PNPLA7: variants seen among roughly 807,000 people sequenced by gnomAD.
PNPLA7 encodes the protein patatin-like phospholipase domain-containing protein 7.
PNPLA7 carries 153 observed loss-of-function variants against 161.7 expected under a neutral mutation model. That is an observed-to-expected ratio of 0.95 (90% CI 0.83 to 1.08). The LOEUF (loss-of-function observed/expected upper bound fraction) is 1.08, where lower values mean the gene tolerates loss of function less well. PNPLA7 is among the 50% of genes least tolerant of loss of function. The probability of loss-of-function intolerance (pLI) is 0.00; values close to 1 mark genes in which losing one functional copy is unlikely to be tolerated. For synonymous variants in PNPLA7, 809 were observed against 782.1 expected (o/e 1.03, Z -0.57); for missense variants, 1,739 against 1,856.6 (o/e 0.94, Z 1.16).
At position 137,467,980 on chromosome 9, in the gene PNPLA7, G is replaced by T. The variant is rs953742992; in HGVS notation, c.2883-507C>A. 6.6e-6 allele frequency among the ~76,000 whole-genome samples: 1 copy of T among 152,064 alleles called. No individual in the cohort carries two copies. Among genetic ancestry groups the T allele is most frequent in the African/African-American group, 2.4e-5 (1 of 41,396 alleles). On this transcript the variant is annotated intron_variant, in intron 25 of 34. Transcript: ENST00000406427. The surrounding 1 kb of genome is among the most constrained non-coding windows in gnomAD (Gnocchi z 5.1). ...TGAGGGACTGTGAGGCTGGGATGGGGAGGAAGGTGTCCTGAGAGTTGACCG... is the reference window on the plus strand; with the variant it reads ...TGAGGGACTGTGAGGCTGGGATGGGTAGGAAGGTGTCCTGAGAGTTGACCG...
At position 137,542,636 on chromosome 9, in the gene PNPLA7, A is replaced by C. The variant is rs771010199; in HGVS notation, c.666+6T>G. On this transcript the variant is annotated splice_donor_region_variant and intron_variant, in intron 7 of 34. Coordinates refer to ENST00000406427, the MANE Select transcript of PNPLA7 (RefSeq NM_001098537.3). ...CCTGACCCCGCCCCGCCGCCCTGCGACTCACAGTGTCCTGGATGCAGACCT... is the reference window on the plus strand; with the variant it reads ...CCTGACCCCGCCCCGCCGCCCTGCGCCTCACAGTGTCCTGGATGCAGACCT... 1.1e-5 allele frequency: 17 copies of C among 1,583,010 alleles called. No homozygotes were observed. The highest frequency in any genetic ancestry group is 1.5e-5 in the Non-Finnish European group (17 of 1,158,868).
rs1832060855 is a variant in PNPLA7 at position 137,478,764 on chromosome 9, C to T, written c.2763+292G>A. Reference sequence around the variant, plus strand: ...AGCCCCCCTGACGTCAGGCCCATCCCCAGGGTTTGCTGAGCCCCCTGATTC... The same window carrying T: ...AGCCCCCCTGACGTCAGGCCCATCCTCAGGGTTTGCTGAGCCCCCTGATTC... On this transcript the variant is annotated intron_variant, in intron 24 of 34. Transcript: ENST00000406427. 1.9e-5 allele frequency: 7 copies of T among 359,748 alleles called. 1 individual carries two copies. The South Asian group carries it at 2.9e-4, about 15-fold the overall frequency. 22.3% of individuals were successfully genotyped at this position (359,748 alleles called of 1,614,324 possible). A position where few individuals can be genotyped will look rare whatever the true frequency, so the allele number is the denominator to read the frequency against.
chr9:137,495,937 G>A (rs1382179451), intron 18 of PNPLA7, among the ~76,000 whole-genome samples: 1 of 152,100 alleles, frequency 6.6e-6, no homozygotes, highest in Non-Finnish European at 1.5e-5. Flanking sequence ...GACTCTGATG[G>A]GAAGACCTTC....
At chr9:137,501,545 G>T in intron 15 of PNPLA7, 105 bp downstream of exon 15, 1 of 1,118,166 alleles carries the variant, frequency 8.9e-7, no homozygotes, top group Non-Finnish European at 1.3e-6. Context: ...GTGCTGGGAG[G>T]TCCCCAGTCA....
At chr9:137,498,810 C>T (rs1333935271) in intron 16 of PNPLA7, among the ~76,000 whole-genome samples, 2 of 152,042 alleles carry the variant, frequency 1.3e-5, no homozygotes, top group Non-Finnish European at 2.9e-5. Context: ...TGGGCAGTGG[C>T]GAGGTGGGAC....
chr9:137,547,890 C>T lies in PNPLA7; in HGVS notation c.31-231G>A, dbSNP rs28612513. On this transcript the variant is annotated intron_variant, in intron 1 of 34. Coordinates refer to ENST00000406427, the MANE Select transcript of PNPLA7 (RefSeq NM_001098537.3). The surrounding 1 kb of genome is among the most constrained non-coding windows in gnomAD (Gnocchi z 4.6). ...CTGGGATACAGTGGGGCAGGGCCAGCGGCTGCCCCAGGCATCACTAACACA... is the reference window on the plus strand; with the variant it reads ...CTGGGATACAGTGGGGCAGGGCCAGTGGCTGCCCCAGGCATCACTAACACA... Among the ~76,000 whole-genome samples the T allele has an allele frequency of 1.2e-3, 186 of 152,292 alleles. 1 individual carries two copies. Among genetic ancestry groups the T allele is most frequent in the African/African-American group, 4.4e-3 (182 of 41,560 alleles).
At position 137,484,699 on chromosome 9, in the gene PNPLA7, C is replaced by A; in HGVS notation, c.2235G>T (p.Trp745Cys). 1 of 1,611,994 alleles carries A rather than the reference C, an allele frequency of 6.2e-7. No individual in the cohort carries two copies. The highest frequency in any genetic ancestry group is 8.5e-7 in the Non-Finnish European group (1 of 1,179,152). ...GGTTGACAGCCGGGTTCCCCAAGTC[C>A]CACTTGCTGCCCTCCGTGGGGAGCC... ...QLGLPTEGSKWDLGNPAVNLS... is the reference protein window; with the variant it reads ...QLGLPTEGSKCDLGNPAVNLS... Residue 745 changes from tryptophan to cysteine, a missense_variant, in exon 21 of 35, where the codon TGG becomes TGT. By Grantham distance (215) the Trp-to-Cys change is radical. This residue lies in a region of PNPLA7 where 192 missense variants were observed against 249.5 expected (regional missense o/e 0.77). Transcript: ENST00000406427.
chr9:137,463,068 G>T, intron 29 of PNPLA7: 1 of 636,762 alleles, frequency 1.6e-6, no homozygotes, highest in Non-Finnish European at 2.7e-6. Flanking sequence ...GGCCTGGCCT[G>T]GCCCCCAGCA....
Position 137,462,180 on chromosome 9 carries a change from C to A in PNPLA7, c.3644G>T (p.Cys1215Phe), listed in dbSNP as rs763901755. The A allele has an allele frequency of 6.4e-7, 1 of 1,563,452 alleles. No homozygotes were observed. The highest frequency in any genetic ancestry group is 8.7e-7 in the Non-Finnish European group (1 of 1,150,918). The stretch of plus-strand genomic sequence containing the variant: ...CCGCCGCGGGTGGCCGGCACTCACG[C>A]AGATCTCGTTGAACTTGCCGAAGTC... ...TLDFGKFNEI[C>F]EVGYQHGRTV... The change falls in exon 31 of 35, where the codon TGC becomes TTC. Residue 1215 changes from cysteine to phenylalanine, a missense_variant and splice_region_variant. This residue lies in a region of PNPLA7 where 703 missense variants were observed against 694.6 expected (regional missense o/e 1.01). Coordinates refer to ENST00000406427, the MANE Select transcript of PNPLA7 (RefSeq NM_001098537.3).
Position 137,499,387 on chromosome 9 carries a change from G to A in PNPLA7, c.1758-1142C>T, listed in dbSNP as rs1421203263. ...TAGACACACAGCACGGGGGGACTGA[G>A]CTGCATTAAGGCTGAGGGCCCTGAG... is the stretch of plus-strand genomic sequence containing the variant. On this transcript the variant is annotated intron_variant, in intron 16 of 34. Transcript: ENST00000406427. This position sits in a 1 kb window ranked among gnomAD's most constrained non-coding sequence, Gnocchi z 5.5. Among the ~76,000 whole-genome samples, 3 of 152,274 alleles carry A rather than the reference G, an allele frequency of 2.0e-5. No individual in the cohort carries two copies. The East Asian group carries it at 5.8e-4, about 29-fold the overall frequency.
chr9:137,548,992 C>T (rs1588730790), intron 1 of PNPLA7, among the ~76,000 whole-genome samples: 1 of 152,326 alleles, frequency 6.6e-6, no homozygotes, highest in East Asian at 1.9e-4. Context: ...CGAAGTGAGT[C>T]CCTCAGCCCA....
rs1380172206 is a variant in PNPLA7, at chr9:137,467,804, A to G, written c.2883-331T>C. Among the ~76,000 whole-genome samples the G allele has an allele frequency of 6.6e-6, 1 of 152,198 alleles. No homozygotes were observed. The highest frequency in any genetic ancestry group is 2.4e-5 in the African/African-American group (1 of 41,440). ...TCCCAGCTACTCGGGAGGCTGAGGC[A>G]GGAGAATCACCTGAACCCAGGAGAC... On this transcript the variant is annotated intron_variant, in intron 25 of 34. Coordinates refer to ENST00000406427, the MANE Select transcript of PNPLA7 (RefSeq NM_001098537.3). This position sits in a 1 kb window ranked among gnomAD's most constrained non-coding sequence, Gnocchi z 5.1.
At chr9:137,492,906 C>T in intron 20 of PNPLA7, 107 bp downstream of exon 20, 6 of 746,694 alleles carry the variant, frequency 8.0e-6, no homozygotes, top group Non-Finnish European at 9.4e-6. Flanking sequence ...GGCTCCAGGA[C>T]AGGGCGGGGC....
intron 25 of PNPLA7, among the ~76,000 whole-genome samples, chr9:137,474,546 C>T (rs937825754): frequency 3.9e-5 from 6 of 152,090 alleles, no homozygotes; most frequent in Non-Finnish European, 7.3e-5. Flanking sequence ...ACCGGAGTGC[C>T]GTGGGGAAAC....
intron 26 of PNPLA7, among the ~76,000 whole-genome samples, chr9:137,465,967 C>G (rs1260120801): frequency 2.0e-5 from 3 of 152,194 alleles, no homozygotes; most frequent in African/African-American, 7.2e-5. Flanking sequence ...TATTCTGATT[C>G]TGGAATCCAT....
intron 8 of PNPLA7, among the ~76,000 whole-genome samples, chr9:137,526,192 C>G (rs1263863105): frequency 6.6e-6 from 1 of 152,180 alleles, no homozygotes; most frequent in Non-Finnish European, 1.5e-5. Context: ...TTGCCGCCCA[C>G]AAGGAGGATG....
rs61747526 is a variant in PNPLA7, at chr9:137,479,155, C to T, written c.2664G>A (p.Ala888=). The T allele has an allele frequency of 0.032, 50,717 of 1,576,848 alleles. 948 individuals are homozygous for T. Among genetic ancestry groups the T allele is most frequent in the Non-Finnish European group, 0.037 (42,556 of 1,162,540 alleles). The part of the protein sequence containing the change: ...LLHREEGPAP[A]RTVEWLNMRS... Reference sequence around the variant, plus strand: ...GCATGTTGAGCCACTCCACGGTGCGCGCTGGCGCCGGGCCCTCCTCCCTGT... The same window carrying T: ...GCATGTTGAGCCACTCCACGGTGCGTGCTGGCGCCGGGCCCTCCTCCCTGT... Residue 888 remains alanine, a synonymous_variant, in exon 24 of 35, where the codon GCG becomes GCA. Transcript: ENST00000406427.
At chr9:137,479,417 G>A in intron 23 of PNPLA7, 179 bp from the exon 24 acceptor site, 1 of 1,304,998 alleles carries the variant, frequency 7.7e-7, no homozygotes, top group South Asian at 2.5e-5. Flanking sequence ...TGACGGCAGG[G>A]GTCCATCCGT....
chr9:137,534,770 T>C (rs1232858356), intron 8 of PNPLA7, among the ~76,000 whole-genome samples: 1 of 152,184 alleles, frequency 6.6e-6, no homozygotes, highest in Non-Finnish European at 1.5e-5. Flanking sequence ...GAAATCAATA[T>C]GTAGAACATT....
Sources: gnomAD v4.1 joint callset for allele counts (sites outside exome capture counted in the v4.1 genomes callset) on GRCh38, gnomAD v4.1.1 for gene constraint, gnomAD v4.1.1 regional missense constraint, Gnocchi (gnomAD v3.1) non-coding constraint, MANE v1.5 for transcripts, NCBI Gene and HGNC (gene_info 2026-07-23, HGNC 2026-07-21) for gene names.